NALF1: variants seen among roughly 807,000 people sequenced by gnomAD.
NALF1 encodes the protein family with sequence similarity 155 member A.
Under a neutral mutation model 48.4 loss-of-function variants are expected in NALF1, and 3 were observed. That is an observed-to-expected ratio of 0.06 (90% CI 0.03 to 0.16). The LOEUF (loss-of-function observed/expected upper bound fraction) is 0.16, where lower values mean the gene tolerates loss of function less well. Ranked by LOEUF, NALF1 falls within the 10% of genes least tolerant of loss-of-function variation. NALF1 has a pLI of 1.00. For missense variants in NALF1, 526 were observed against 571.5 expected, an observed-to-expected ratio of 0.92 and a Z score of 0.81; for synonymous variants, 262 against 245.7, an observed-to-expected ratio of 1.07 and a Z score of -0.62.
At chr13:107,261,466 A>C (rs150673360) in intron 1 of NALF1, among the ~76,000 whole-genome samples, 2,062 of 152,236 alleles carry the variant, frequency 0.014, 34 homozygotes, top group African/African-American at 0.046. Flanking sequence ...AATCTGACTC[A>C]TGTACTTTGG....
chr13:107,513,954 C>A (rs921649473), intron 1 of NALF1, among the ~76,000 whole-genome samples: 2 of 152,170 alleles, frequency 1.3e-5, no homozygotes, highest in Admixed American at 6.5e-5. Context: ...CAACTTTAGA[C>A]CTTTATTTTA....
chr13:107,287,937 C>T (rs952469019), intron 1 of NALF1, among the ~76,000 whole-genome samples: 4 of 151,808 alleles, frequency 2.6e-5, no homozygotes, highest in African/African-American at 4.8e-5. Context: ...GAACTCTTGA[C>T]CTCAAGGTGA....
intron 1 of NALF1, among the ~76,000 whole-genome samples, chr13:107,336,942 C>A (rs998155925): frequency 1.3e-5 from 2 of 150,088 alleles, no homozygotes; most frequent in Non-Finnish European, 3.0e-5. Context: ...AAAAGAAAAG[C>A]CCCCCCAAAA....
intron 1 of NALF1, among the ~76,000 whole-genome samples, chr13:107,585,572 G>A (rs951779078): frequency 4.6e-5 from 7 of 152,252 alleles, no homozygotes; most frequent in South Asian, 2.1e-4. Context: ...CAATGATGAT[G>A]TTTTAGCCCA....
At chr13:107,478,142 C>G (rs553089128) in intron 1 of NALF1, among the ~76,000 whole-genome samples, 1 of 152,086 alleles carries the variant, frequency 6.6e-6, no homozygotes, top group African/African-American at 2.4e-5. Context: ...TTAAATGAAG[C>G]CATTCTTGCT....
intron 1 of NALF1, among the ~76,000 whole-genome samples, chr13:107,563,868 C>T (rs969319936): frequency 1.3e-5 from 2 of 152,152 alleles, no homozygotes; most frequent in African/African-American, 4.8e-5. Context: ...AAATAAAAAG[C>T]ATAAATTAAT....
chr13:107,684,991 A>G (rs1407678691), intron 1 of NALF1, among the ~76,000 whole-genome samples: 1 of 152,098 alleles, frequency 6.6e-6, no homozygotes, highest in African/African-American at 2.4e-5. Context: ...TACCGTAGTT[A>G]CTGGTGACCG....
intron 1 of NALF1, among the ~76,000 whole-genome samples, chr13:107,725,021 T>C (rs1876107609): frequency 6.6e-6 from 1 of 152,252 alleles, no homozygotes; most frequent in Non-Finnish European, 1.5e-5. Context: ...AGTTAATAGA[T>C]AATTTATTGA....
chr13:107,855,618 A>G lies in NALF1; in HGVS notation c.915+10064T>C, dbSNP rs551527483. Among the ~76,000 whole-genome samples, 113 of 152,330 alleles carry G rather than the reference A, an allele frequency of 7.4e-4. 1 individual carries two copies. The highest frequency in any genetic ancestry group is 2.0e-3 in the Admixed American group (30 of 15,290). Reference sequence around the variant, plus strand: ...CTAAAACAAAAACAAAAGAAACAACAGGGCAACCAGACATGGGCAAAGACT... The same window carrying G: ...CTAAAACAAAAACAAAAGAAACAACGGGGCAACCAGACATGGGCAAAGACT... On this transcript the variant is annotated intron_variant, in intron 1 of 2. Transcript: ENST00000375915.
intron 1 of NALF1, among the ~76,000 whole-genome samples, chr13:107,344,889 T>C (rs1882745234): frequency 6.6e-6 from 1 of 152,098 alleles, no homozygotes; most frequent in South Asian, 2.1e-4. Flanking sequence ...GAAGTAAAAT[T>C]ATCTCTTTTC....
chr13:107,252,273 G>A (rs9555336), intron 1 of NALF1, among the ~76,000 whole-genome samples: 31,001 of 152,052 alleles, frequency 0.2, 3,360 homozygotes, highest in Non-Finnish European at 0.23. Flanking sequence ...AAAGAGTCAC[G>A]GTTCCCGGCC....
chr13:107,353,096 C>T (rs1048494533), intron 1 of NALF1, among the ~76,000 whole-genome samples: 4 of 152,100 alleles, frequency 2.6e-5, no homozygotes, highest in African/African-American at 4.8e-5. Context: ...CACTCTCCCT[C>T]CTGATTTACC....
At chr13:107,717,000 C>T (rs938264440) in intron 1 of NALF1, among the ~76,000 whole-genome samples, 2 of 152,162 alleles carry the variant, frequency 1.3e-5, no homozygotes, top group Admixed American at 1.3e-4. Flanking sequence ...ATCATCTCTT[C>T]CAACTGCATA....
chr13:107,659,184 T>C (rs1169120500), intron 1 of NALF1, among the ~76,000 whole-genome samples: 1 of 151,842 alleles, frequency 6.6e-6, no homozygotes, highest in Admixed American at 6.6e-5. Flanking sequence ...TCTTCATTGT[T>C]TAAGAATCCA....
At chr13:107,833,249 C>T (rs1879794197) in intron 1 of NALF1, among the ~76,000 whole-genome samples, 1 of 152,200 alleles carries the variant, frequency 6.6e-6, no homozygotes, top group Non-Finnish European at 1.5e-5. Flanking sequence ...CCAGGGTAGA[C>T]TTGGTGACTT....
intron 1 of NALF1, among the ~76,000 whole-genome samples, chr13:107,535,917 A>C (rs1231189431): frequency 6.6e-6 from 1 of 152,202 alleles, no homozygotes; most frequent in Non-Finnish European, 1.5e-5. Flanking sequence ...CTCAGTAATA[A>C]TACTACACAT....
At chr13:107,576,994 AT>A (rs916499130) in intron 1 of NALF1, among the ~76,000 whole-genome samples, 1 of 152,182 alleles carries the variant, frequency 6.6e-6, no homozygotes, top group Non-Finnish European at 1.5e-5. Flanking sequence ...GAATAGGCAC[AT>A]TTTTATAACA....
At chr13:107,585,645 T>C (rs1878434449) in intron 1 of NALF1, among the ~76,000 whole-genome samples, 1 of 152,132 alleles carries the variant, frequency 6.6e-6, no homozygotes, top group Non-Finnish European at 1.5e-5. Flanking sequence ...TTACCAGCCA[T>C]TTATCATCAC....
chr13:107,299,478 AT>A (rs1881796813), intron 1 of NALF1, among the ~76,000 whole-genome samples: 3 of 148,444 alleles, frequency 2.0e-5, no homozygotes, highest in Non-Finnish European at 3.0e-5. Context: ...TAATAAATAA[AT>A]AAATAAATAA....
Sources: gnomAD v4.1 joint callset for allele counts (sites outside exome capture counted in the v4.1 genomes callset) on GRCh38, gnomAD v4.1.1 for gene constraint, MANE v1.5 for transcripts, NCBI Gene and HGNC (gene_info 2026-07-23, HGNC 2026-07-21) for gene names.